Variants in SEC14L1 observed in about 807,000 individuals in gnomAD.
SEC14L1 encodes SEC14-like protein 1.
Under a neutral mutation model 85.3 loss-of-function variants are expected in SEC14L1, and 48 were observed. The observed-to-expected ratio is 0.56, with a 90% confidence interval of 0.45 to 0.72. SEC14L1 has a LOEUF of 0.72. SEC14L1 is among the 30% of genes least tolerant of loss of function. The probability of loss-of-function intolerance (pLI) is 0.00; values close to 1 mark genes in which losing one functional copy is unlikely to be tolerated. For synonymous variants in SEC14L1, 391 were observed against 355.5 expected, an observed-to-expected ratio of 1.10 and a Z score of -1.12; for missense variants, 682 against 921.4, an observed-to-expected ratio of 0.74 and a Z score of 3.36.
chr17:77,135,874 T>G (rs1448867809), intron 3 of SEC14L1, among the ~76,000 whole-genome samples: 1 of 151,430 alleles, frequency 6.6e-6, no homozygotes, highest in Admixed American at 6.6e-5. Flanking sequence ...TTCCTTCTCT[T>G]TCTTTTCTAT....
At chr17:77,210,042 C>T (rs1335076363) in intron 14 of SEC14L1, 1 of 152,336 alleles carries the variant, frequency 6.6e-6, no homozygotes, top group African/African-American at 2.4e-5. Flanking sequence ...GGGGTTTCAC[C>T]ATGTTGGCCA....
At chr17:77,095,272 T>A (rs1026067089) in intron 3 of SEC14L1, among the ~76,000 whole-genome samples, 2 of 152,042 alleles carry the variant, frequency 1.3e-5, no homozygotes, top group Non-Finnish European at 2.9e-5. Flanking sequence ...CCGAGGAGAG[T>A]GCCTGAGTCT....
intron 3 of SEC14L1, among the ~76,000 whole-genome samples, chr17:77,166,069 G>C (rs1417177579): frequency 6.6e-6 from 1 of 152,186 alleles, no homozygotes; most frequent in Non-Finnish European, 1.5e-5. Flanking sequence ...AGAGGTTCAT[G>C]TGTTGCACAG....
At chr17:77,156,574 TAA>T (rs574920988) in intron 3 of SEC14L1, among the ~76,000 whole-genome samples, 34 of 136,464 alleles carry the variant, frequency 2.5e-4, no homozygotes, top group Non-Finnish European at 2.4e-4. Context: ...GACTCCGTCT[TAA>T]AAAAAAAAAA....
intron 9 of SEC14L1, 65 bp downstream of exon 9, chr17:77,200,738 A>C (rs990868334): frequency 6.6e-7 from 1 of 1,505,232 alleles, no homozygotes; most frequent in Non-Finnish European, 9.0e-7. Flanking sequence ...GATATCTTCC[A>C]AGGCCTCCTT....
chr17:77,191,582 G>T (rs546994776), intron 5 of SEC14L1, among the ~76,000 whole-genome samples: 1 of 151,628 alleles, frequency 6.6e-6, no homozygotes, highest in African/African-American at 2.4e-5. Context: ...TCCCTCTGTC[G>T]CCCAGGCCGG....
intron 3 of SEC14L1, among the ~76,000 whole-genome samples, chr17:77,185,052 G>A (rs116019662): frequency 0.017 from 2,646 of 152,296 alleles, 72 homozygotes; most frequent in African/African-American, 0.06. Flanking sequence ...TGAAAGACGG[G>A]TCAGGGTAAG....
rs1466509724 is a variant in SEC14L1, at chr17:77,090,523, AG to A, written c.-240+1253del. 2.7e-5 allele frequency among the ~76,000 whole-genome samples: 4 copies of A among 148,032 alleles called. 1 individual carries two copies. The highest frequency in any genetic ancestry group is 2.7e-4 in the Admixed American group (4 of 14,894). ...TAATTATTAAAAAAAAAAAAAAAAA[AG>A]ATCCGATGGAGACTAGAAGGCTTTT... On this transcript the variant is annotated intron_variant, in intron 2 of 19. Transcript: ENST00000392476.
Position 77,195,768 on chromosome 17 carries a change from G to A in SEC14L1, c.710-434G>A, listed in dbSNP as rs377536397. On this transcript the variant is annotated intron_variant, in intron 7 of 16. Transcript: ENST00000436233. ...CTCCTGAGTAGCTGGGATTACAGGC[G>A]TGAGCCACCAGATTTCTTACATTCT... 1.4e-4 allele frequency among the ~76,000 whole-genome samples: 22 copies of A among 152,190 alleles called. No individual in the cohort carries two copies. The South Asian group carries it at 2.7e-3, about 19-fold the overall frequency.
At chr17:77,177,363 A>G (rs1365575699) in intron 3 of SEC14L1, among the ~76,000 whole-genome samples, 1 of 150,094 alleles carries the variant, frequency 6.7e-6, no homozygotes, top group Non-Finnish European at 1.5e-5. Flanking sequence ...TTAAATTTAA[A>G]TGCAAAAGAT....
At chr17:77,097,752 G>A (rs1971680622) in intron 3 of SEC14L1, among the ~76,000 whole-genome samples, 1 of 152,054 alleles carries the variant, frequency 6.6e-6, no homozygotes, top group South Asian at 2.1e-4. Flanking sequence ...AGTATTGCTG[G>A]ATATGTTAAA....
At chr17:77,097,921 C>T (rs78693897) in intron 3 of SEC14L1, among the ~76,000 whole-genome samples, 9,687 of 152,090 alleles carry the variant, frequency 0.064, 470 homozygotes, top group East Asian at 0.27. Flanking sequence ...ATGGGGTTTG[C>T]AATTTTAGAT....
At chr17:77,179,058 C>T (rs1974887836) in intron 3 of SEC14L1, among the ~76,000 whole-genome samples, 1 of 152,152 alleles carries the variant, frequency 6.6e-6, no homozygotes, top group Non-Finnish European at 1.5e-5. Flanking sequence ...TGTCCTCTAG[C>T]AAGAATATAT....
intron 9 of SEC14L1, among the ~76,000 whole-genome samples, chr17:77,202,965 A>G (rs1231327103): frequency 1.3e-5 from 2 of 151,680 alleles, no homozygotes; most frequent in Non-Finnish European, 2.9e-5. Flanking sequence ...GAGTAGAGCC[A>G]ACACAGGCTG....
rs139045086 is a variant in SEC14L1 at position 77,105,105 on chromosome 17, C to T, written c.-136+11758C>T. 2.6e-3 allele frequency among the ~76,000 whole-genome samples: 400 copies of T among 152,126 alleles called. 1 individual carries two copies. Among genetic ancestry groups the T allele is most frequent in the Non-Finnish European group, 4.6e-3 (311 of 68,000 alleles). On this transcript the variant is annotated intron_variant, in intron 3 of 19. Transcript: ENST00000392476. ...TTCTGATGAGCCTTTCCAAAGAAGG[C>T]GATCGGATATGCATCCGTCTCAGTG...
chr17:77,100,428 CTTTTTT>C (rs1188386603), intron 3 of SEC14L1, among the ~76,000 whole-genome samples: 1 of 25,574 alleles, frequency 3.9e-5, no homozygotes, highest in Non-Finnish European at 6.8e-5. Context: ...CTCTCTCTCT[CTTTTTT>C]TTTTTTTTTT....
At chr17:77,136,102 C>T (rs1281693056), upstream of SEC14L1, among the ~76,000 whole-genome samples, 1 of 151,894 alleles carries the variant, frequency 6.6e-6, no homozygotes, top group Non-Finnish European at 1.5e-5. Flanking sequence ...GTTTCGATCT[C>T]CTGACCTTGT....
At chr17:77,143,093 G>T (rs1973132411) in intron 2 of SEC14L1, among the ~76,000 whole-genome samples, 1 of 145,366 alleles carries the variant, frequency 6.9e-6, no homozygotes, top group Admixed American at 6.9e-5. Flanking sequence ...CATAGTTTGA[G>T]ATACAGTAGT....
chr17:77,142,443 A>C (rs942416763), intron 1 of SEC14L1, among the ~76,000 whole-genome samples: 8 of 151,744 alleles, frequency 5.3e-5, no homozygotes, highest in Non-Finnish European at 1.0e-4. Flanking sequence ...CTGTGGTCCC[A>C]GCTACTTGGG....
Sources: gnomAD v4.1 joint callset for allele counts (sites outside exome capture counted in the v4.1 genomes callset) on GRCh38, gnomAD v4.1.1 for gene constraint, MANE v1.5 for transcripts, NCBI Gene and HGNC (gene_info 2026-07-23, HGNC 2026-07-21) for gene names.